The following CKAP5 variants were observed in gnomAD, a reference collection of about 807,000 sequenced individuals.
CKAP5 encodes cytoskeleton-associated protein 5.
CKAP5 carries 27 observed loss-of-function variants against 232.8 expected under a neutral mutation model. The ratio of observed to expected loss-of-function variants is 0.12; its 90% CI spans 0.09 to 0.16. The LOEUF (loss-of-function observed/expected upper bound fraction) is 0.16, where lower values mean the gene tolerates loss of function less well. Among genes scored for constraint, CKAP5 ranks in the 10% least tolerant of loss-of-function variants. CKAP5 has a pLI of 1.00. For missense variants in CKAP5, 1,838 were observed against 2,424.7 expected (o/e 0.76, Z 5.08); for synonymous variants, 785 against 841.1 (o/e 0.93, Z 1.16).
intron 42 of CKAP5, 51 bp downstream of exon 42, chr11:46,750,223 T>A (rs779717732): frequency 6.4e-7 from 1 of 1,566,236 alleles, no homozygotes; most frequent in South Asian, 1.2e-5. Flanking sequence ...CAGGTTCCTG[T>A]GCTAGGAGCT....
At chr11:46,795,912 C>T (rs1372208660) in intron 12 of CKAP5, 136 bp from the exon 13 acceptor site, 30 of 713,652 alleles carry the variant, frequency 4.2e-5, no homozygotes, top group Non-Finnish European at 6.2e-5. Context: ...ACCTATAATC[C>T]TAGCACTTTG....
In CKAP5 at chr11:46,743,935, A is replaced by T; in HGVS notation, c.*88T>A. ...CATGATACATACAACCAGTTTGTAT[A>T]CACTAGGCCTGCTGAGGCCATTTTA... On this transcript the variant is annotated 3_prime_UTR_variant, in exon 44 of 44. Coordinates refer to ENST00000529230, the MANE Select transcript of CKAP5 (RefSeq NM_001008938.4). 1 of 1,533,312 alleles carries T rather than the reference A, an allele frequency of 6.5e-7. No individual in the cohort carries two copies. The allele number at this position is 1,533,312 out of a possible 1,614,324, so 95.0% of individuals were successfully genotyped here. A position where few individuals can be genotyped will look rare whatever the true frequency, so the allele number is the denominator to read the frequency against.
chr11:46,753,283 C>T, intron 37 of CKAP5, 27 bp downstream of exon 37: 1 of 1,550,630 alleles, frequency 6.4e-7, no homozygotes, highest in Admixed American at 2.1e-5. Context: ...ATGCCCCAGG[C>T]TCTATTGGCT....
intron 13 of CKAP5, among the ~76,000 whole-genome samples, chr11:46,792,031 C>T (rs1459642134): frequency 6.6e-6 from 1 of 152,174 alleles, no homozygotes; most frequent in Non-Finnish European, 1.5e-5. Flanking sequence ...GTAATACTTA[C>T]CATGTCATAT....
rs869157048 is a variant in CKAP5, at chr11:46,743,733, TAA to T, written c.*288_*289del. ...TAGGACAATTTTACAAATGAGCAAT[TAA>T]AAAGAAAAGAAAAGGATCTGGGAAC... On this transcript the variant is annotated 3_prime_UTR_variant, in exon 44 of 44. Coordinates refer to ENST00000529230, the MANE Select transcript of CKAP5 (RefSeq NM_001008938.4). 7.0e-5 allele frequency: 18 copies of T among 255,588 alleles called. No homozygotes were observed. Among genetic ancestry groups the T allele is most frequent in the Non-Finnish European group, 1.1e-4 (15 of 135,200 alleles). The allele number at this position is 255,588 out of a possible 1,614,324, so 15.8% of individuals were successfully genotyped here.
intron 4 of CKAP5, among the ~76,000 whole-genome samples, chr11:46,814,197 CA>C (rs1231049189): frequency 1.4e-5 from 2 of 138,098 alleles, no homozygotes; most frequent in Non-Finnish European, 3.1e-5. Flanking sequence ...ACTAAGGACA[CA>C]AAAGATTTAT....
intron 35 of CKAP5, among the ~76,000 whole-genome samples, chr11:46,757,517 A>ATTTTGTCACATTG (rs1037024089): frequency 2.0e-5 from 3 of 151,998 alleles, no homozygotes; most frequent in African/African-American, 7.2e-5. Flanking sequence ...AAAAATTTTC[A>ATTTTGTCACATTG]TTTTGTCACA....
chr11:46,844,562 T>C (rs577004987), intron 1 of CKAP5, among the ~76,000 whole-genome samples: 3 of 152,352 alleles, frequency 2.0e-5, no homozygotes, highest in East Asian at 1.9e-4. Context: ...TTTAAAGTAA[T>C]GGAGAATAAA....
intron 8 of CKAP5, among the ~76,000 whole-genome samples, chr11:46,805,190 G>A (rs1049341341): frequency 4.6e-5 from 7 of 152,050 alleles, no homozygotes; most frequent in South Asian, 2.1e-4. Flanking sequence ...AGCTGAGATC[G>A]TGCCACTGCA....
At chr11:46,797,367 A>C (rs749934667) in intron 11 of CKAP5, among the ~76,000 whole-genome samples, 5 of 150,880 alleles carry the variant, frequency 3.3e-5, no homozygotes, top group Non-Finnish European at 5.9e-5. Context: ...ACTCCATCTC[A>C]AACAAAACAA....
chr11:46,822,120 AAC>A (rs1364284383), intron 1 of CKAP5, among the ~76,000 whole-genome samples: 1 of 151,924 alleles, frequency 6.6e-6, no homozygotes, highest in Non-Finnish European at 1.5e-5. Context: ...CTATACTAAA[AAC>A]ACAAAAATTA....
chr11:46,786,159 C>A (rs1479991301), intron 16 of CKAP5, among the ~76,000 whole-genome samples: 1 of 152,138 alleles, frequency 6.6e-6, no homozygotes, highest in Non-Finnish European at 1.5e-5. Context: ...TATCTCACAA[C>A]TCTGAAAATT....
intron 30 of CKAP5, 61 bp from the exon 31 acceptor site, chr11:46,762,823 A>G: frequency 6.5e-7 from 1 of 1,546,194 alleles, no homozygotes. Context: ...TGATTCTCCC[A>G]TGCATTACTA....
At chr11:46,808,713 C>T (rs1329601855) in intron 7 of CKAP5, among the ~76,000 whole-genome samples, 1 of 152,096 alleles carries the variant, frequency 6.6e-6, no homozygotes, top group Non-Finnish European at 1.5e-5. Flanking sequence ...TCTAGGCAAA[C>T]GTTAGTAAGC....
At position 46,770,790 on chromosome 11, in the gene CKAP5, T is replaced by G. The variant is rs1276136274; in HGVS notation, c.3184A>C (p.Lys1062Gln). The G allele has an allele frequency of 6.2e-7, 1 of 1,613,250 alleles. No individual in the cohort carries two copies. Among genetic ancestry groups the G allele is most frequent in the Admixed American group, 1.7e-5 (1 of 59,974 alleles). Residue 1062 changes from lysine to glutamine, a missense_variant and splice_region_variant, in exon 25 of 44, where the codon AAG becomes CAG. Physicochemically the swap from Lys to Gln is moderately conservative, Grantham distance 53. This residue lies in a region of CKAP5 where 767 missense variants were observed against 954.6 expected (regional missense o/e 0.80). Transcript: ENST00000529230. ...GTAGCAGCAACAAGAAGTAGTACCT[T>G]TAGTTTCCCAGTAGCCTTGGCCATT... ...EKMAKATGKL[K>Q]PTSKDQVLAM...
At chr11:46,783,640 AG>A (rs1316787516) in intron 17 of CKAP5, among the ~76,000 whole-genome samples, 138 of 150,742 alleles carry the variant, frequency 9.2e-4, no homozygotes, top group African/African-American at 3.3e-3. Context: ...TCTGTCACCC[AG>A]GAGTACAGTG....
chr11:46,772,745 T>C (rs1375329782), intron 24 of CKAP5, among the ~76,000 whole-genome samples: 1 of 151,862 alleles, frequency 6.6e-6, no homozygotes, highest in Non-Finnish European at 1.5e-5. Flanking sequence ...TTTTTTTTTT[T>C]GTTTTTTTGT....
chr11:46,744,446 A>G lies in CKAP5; in HGVS notation c.5836T>C (p.Cys1946Arg). 1 of 1,614,158 alleles carries G rather than the reference A, an allele frequency of 6.2e-7. No individual in the cohort carries two copies. Among genetic ancestry groups the G allele is most frequent in the Non-Finnish European group, 8.5e-7 (1 of 1,180,028 alleles). ...LERLKILRQR[C>R]GLDNTKQDDR... is the part of the protein sequence containing the mutation. ...AGTACCTTTGTGTTGTCCAGACCAC[A>G]TCGCTGTCGGAGGATCTTTAGCCTT... The change falls in exon 43 of 44, where the codon TGT becomes CGT. Residue 1946 changes from cysteine (C) to arginine (R), a missense_variant. By Grantham distance (180) the Cys-to-Arg change is radical (BLOSUM62 -3). Around this residue, in one of 6 missense-constraint regions of CKAP5, gnomAD observed 579 missense variants for 843.2 expected, o/e 0.69. Transcript: ENST00000529230.
At chr11:46,775,800 C>T (rs1373481053) in intron 24 of CKAP5, among the ~76,000 whole-genome samples, 1 of 151,606 alleles carries the variant, frequency 6.6e-6, no homozygotes, top group African/African-American at 2.4e-5. Flanking sequence ...GGGAGGGGAA[C>T]ATCACACAGT....
Sources: gnomAD v4.1 joint callset for allele counts (sites outside exome capture counted in the v4.1 genomes callset) on GRCh38, gnomAD v4.1.1 for gene constraint, gnomAD v4.1.1 regional missense constraint, MANE v1.5 for transcripts, NCBI Gene and HGNC (gene_info 2026-07-23, HGNC 2026-07-21) for gene names.